Variants in IQCN observed in about 807,000 individuals in gnomAD.
IQCN encodes IQ motif containing N, also known as IQ domain-containing protein N.
A neutral mutation model predicts 64.4 loss-of-function variants in IQCN; 46 were observed. The ratio of observed to expected loss-of-function variants is 0.71; its 90% CI spans 0.56 to 0.91. The LOEUF (loss-of-function observed/expected upper bound fraction) is 0.91, where lower values mean the gene tolerates loss of function less well. IQCN is among the 40% of genes least tolerant of loss of function. The pLI is 0.00. For missense variants in IQCN, 1,753 were observed against 1,857.4 expected (o/e 0.94, Z 1.03); for synonymous variants, 733 against 775.6 (o/e 0.95, Z 0.91).
rs996216061 is a variant in IQCN at position 18,264,623 on chromosome 19, C to T, written c.2917G>A (p.Glu973Lys). ...TCCGTCAAAGCCTTGCTAAGCACCT[C>T]GGCCAATTTACCCTGCATGACCTTG... ...LTKVMQGKLAEVLSKALTEEE... is the reference protein window; with the variant it reads ...LTKVMQGKLAKVLSKALTEEE... Residue 973 changes from glutamate to lysine, a missense_variant, in exon 3 of 4, where the codon GAG becomes AAG. Coordinates refer to ENST00000392413, the MANE Select transcript of IQCN (RefSeq NM_001145304.2). This position sits in a 1 kb window ranked among gnomAD's most constrained non-coding sequence, Gnocchi z 4.3. 3.6e-5 allele frequency: 56 copies of T among 1,551,352 alleles called. No individual in the cohort carries two copies. Among genetic ancestry groups the T allele is most frequent in the Non-Finnish European group, 3.2e-5 (37 of 1,146,984 alleles).
intron 3 of IQCN, chr19:18,258,338 C>CCCA (rs199647290): frequency 0.018 from 12,334 of 697,950 alleles, 167 homozygotes; most frequent in Non-Finnish European, 0.025. Flanking sequence ...CTGCAGAGGG[C>CCCA]CTGTGGGTGG....
At position 18,264,626 on chromosome 19, in the gene IQCN, C is replaced by T; in HGVS notation, c.2914G>A (p.Ala972Thr). 2 of 1,551,446 alleles carry T rather than the reference C, an allele frequency of 1.3e-6. No homozygotes were observed. The highest frequency in any genetic ancestry group is 1.7e-6 in the Non-Finnish European group (2 of 1,146,984). ...GTCAAAGCCTTGCTAAGCACCTCGG[C>T]CAATTTACCCTGCATGACCTTGGTG... ...ELTKVMQGKL[A>T]EVLSKALTEE... Residue 972 changes from alanine to threonine, a missense_variant, in exon 3 of 4, where the codon GCC becomes ACC. Transcript: ENST00000392413. This position sits in a 1 kb window ranked among gnomAD's most constrained non-coding sequence, Gnocchi z 4.3.
At chr19:18,272,579 C>A (rs1232135624) in intron 1 of IQCN, among the ~76,000 whole-genome samples, 1 of 152,186 alleles carries the variant, frequency 6.6e-6, no homozygotes, top group South Asian at 2.1e-4. Flanking sequence ...GCCTCACCAG[C>A]GCCCTCTATT....
At position 18,258,499 on chromosome 19, in the gene IQCN, G is replaced by A. The variant is rs571754918; in HGVS notation, c.3178-393C>T. On this transcript the variant is annotated intron_variant, in intron 3 of 3. Coordinates refer to ENST00000392413, the MANE Select transcript of IQCN (RefSeq NM_001145304.2). ...TTTTTAGGGCCCATGGCGTCCCAGCGGCTGCTCGGAGCCATGTTTCCAGAC... is the reference window on the plus strand; with the variant it reads ...TTTTTAGGGCCCATGGCGTCCCAGCAGCTGCTCGGAGCCATGTTTCCAGAC... The A allele has an allele frequency of 5.2e-5, 24 of 465,438 alleles. No individual in the cohort carries two copies. In the East Asian group the frequency reaches 1.0e-3, roughly 19 times the overall value. 28.8% of individuals were successfully genotyped at this position (465,438 alleles called of 1,614,324 possible).
intron 3 of IQCN, chr19:18,260,044 G>A (rs1969391141): frequency 6.6e-6 from 1 of 152,488 alleles, no homozygotes; most frequent in Non-Finnish European, 1.5e-5. Flanking sequence ...GGCTCCTGGG[G>A]ATGGCTTACA....
chr19:18,269,450 T>C lies in IQCN; in HGVS notation c.13+16A>G, dbSNP rs781544749. ...TTGGACTAGCCAGACCCCTTGCCCA[T>C]AGACCATCTTCTTACCTTGAAGGGT... On this transcript the variant is annotated intron_variant, in intron 2 of 3. Transcript: ENST00000392413. The C allele has an allele frequency of 1.9e-6, 3 of 1,613,800 alleles. No homozygotes were observed. Among genetic ancestry groups the C allele is most frequent in the Non-Finnish European group, 2.5e-6 (3 of 1,179,790 alleles).
rs549433185 is a variant in IQCN, at chr19:18,258,400, G to C, written c.3178-294C>G. The C allele has an allele frequency of 1.5e-5, 10 of 650,342 alleles. No individual in the cohort carries two copies. The African/African-American group carries it at 1.8e-4, about 12-fold the overall frequency. 40.3% of individuals were successfully genotyped at this position (650,342 alleles called of 1,614,324 possible). ...TGGGATGGTTGTCTTTGCACATACT[G>C]TAAGGGCCTAACCCTGGCCACAGAA... On this transcript the variant is annotated intron_variant, in intron 3 of 3. Transcript: ENST00000392413.
Position 18,267,430 on chromosome 19 carries a change from G to C in IQCN, c.110C>G (p.Ala37Gly), listed in dbSNP as rs755665886. The C allele has an allele frequency of 1.2e-5, 18 of 1,561,730 alleles. No individual in the cohort carries two copies. In the South Asian group the frequency reaches 2.0e-4, roughly 17 times the overall value. ...VVTQWAVHPP[A>G]PAHPSLLDKM... is the part of the protein sequence containing the mutation. ...GTCCAGGAGACTGGGGTGAGCGGGG[G>C]CTGGAGGATGCACCGCCCACTGGGT... Residue 37 changes from alanine to glycine, a missense_variant, in exon 3 of 4, where the codon GCC becomes GGC. Physicochemically the swap from Ala to Gly is moderately conservative, Grantham distance 60 (BLOSUM62 0). Coordinates refer to ENST00000392413, the MANE Select transcript of IQCN (RefSeq NM_001145304.2).
chr19:18,272,011 G>C (rs1969743380), intron 1 of IQCN, among the ~76,000 whole-genome samples: 1 of 151,964 alleles, frequency 6.6e-6, no homozygotes, highest in Non-Finnish European at 1.5e-5. Flanking sequence ...TGTTTTTGGA[G>C]GGACGGGGTT....
At position 18,264,379 on chromosome 19, in the gene IQCN, C is replaced by G; in HGVS notation, c.3161G>C (p.Arg1054Thr). 6.7e-7 allele frequency: 1 copy of G among 1,494,520 alleles called. No individual in the cohort carries two copies. 92.6% of individuals were successfully genotyped at this position (1,494,520 alleles called of 1,614,324 possible). The change falls in exon 3 of 4, where the codon AGA becomes ACA. Residue 1054 changes from arginine (R) to threonine (T), a missense_variant. Transcript: ENST00000392413. This position sits in a 1 kb window ranked among gnomAD's most constrained non-coding sequence, Gnocchi z 4.3. Reference sequence around the variant, plus strand: ...ATCCCTGACCTTGCTGGTCTGTGGTCTCACGGGGCCCAGGGAGGGCCCCCA... The same window carrying G: ...ATCCCTGACCTTGCTGGTCTGTGGTGTCACGGGGCCCAGGGAGGGCCCCCA... ...AAWGPSLGPV[R>T]PQTSKGPADA...
rs1273142608 is a variant in IQCN at position 18,269,540 on chromosome 19, CA to C, written c.-63del. The C allele has an allele frequency of 7.6e-6, 12 of 1,575,476 alleles. No individual in the cohort carries two copies. Among genetic ancestry groups the C allele is most frequent in the Non-Finnish European group, 1.0e-5 (12 of 1,146,504 alleles). On this transcript the variant is annotated 5_prime_UTR_variant, in exon 2 of 4. Transcript: ENST00000392413. The stretch of plus-strand genomic sequence containing the variant: ...TCAGAAGCCAGCCTGCAAGAGGAGG[CA>C]GCCTTCAGCCTTTCATCCATGCAAT...
In IQCN at chr19:18,267,212, T is replaced by C; in HGVS notation, c.328A>G (p.Ile110Val). Reference protein sequence around the residue: ...DMMHARAATLIQANWRGYWLR... With the variant: ...DMMHARAATLVQANWRGYWLR... ...CAATAGCCCCTCCAGTTGGCTTGGA[T>C]GAGCGTGGCTGCACGGGCGTGCATC... Residue 110 changes from isoleucine (I) to valine (V), a missense_variant, in exon 3 of 4, where the codon ATC becomes GTC. Physicochemically the swap from Ile to Val is conservative, Grantham distance 29. Transcript: ENST00000392413. 2 of 1,614,262 alleles carry C rather than the reference T, an allele frequency of 1.2e-6. No homozygotes were observed. The highest frequency in any genetic ancestry group is 2.2e-5 in the South Asian group (2 of 91,090).
At position 18,267,424 on chromosome 19, in the gene IQCN, G is replaced by A; in HGVS notation, c.116C>T (p.Ala39Val). Residue 39 changes from alanine to valine, a missense_variant, in exon 3 of 4, where the codon GCT (alanine) becomes GTT (valine). Ala to Val is a moderately conservative substitution (Grantham distance 64). Coordinates refer to ENST00000392413, the MANE Select transcript of IQCN (RefSeq NM_001145304.2). The part of the protein sequence containing the change: ...TQWAVHPPAP[A>V]HPSLLDKMEK... ...CATTTTGTCCAGGAGACTGGGGTGAGCGGGGGCTGGAGGATGCACCGCCCA... is the reference window on the plus strand; with the variant it reads ...CATTTTGTCCAGGAGACTGGGGTGAACGGGGGCTGGAGGATGCACCGCCCA... 1 of 1,570,680 alleles carries A rather than the reference G, an allele frequency of 6.4e-7. No homozygotes were observed. The highest frequency in any genetic ancestry group is 8.6e-7 in the Non-Finnish European group (1 of 1,159,272).
At chr19:18,267,685 T>C (rs1027421210) in intron 2 of IQCN, 159 bp from the exon 3 acceptor site, 10 of 848,806 alleles carry the variant, frequency 1.2e-5, no homozygotes, top group Non-Finnish European at 1.5e-5. Context: ...CAAGTGGTCT[T>C]TGCCATCCTT....
At chr19:18,268,643 C>T (rs1273016955) in intron 2 of IQCN, among the ~76,000 whole-genome samples, 1 of 151,862 alleles carries the variant, frequency 6.6e-6, no homozygotes, top group Non-Finnish European at 1.5e-5. Context: ...GCCGGGCCAA[C>T]ATGGTGAAAC....
intron 1 of IQCN, among the ~76,000 whole-genome samples, chr19:18,273,485 C>T (rs570925991): frequency 7.2e-4 from 110 of 152,308 alleles, no homozygotes; most frequent in South Asian, 2.7e-3. Context: ...TACAGGCATG[C>T]GCCACCACAC....
In IQCN at chr19:18,270,051, T is replaced by TAAAAAAAAAAAA. The variant is rs60981546; in HGVS notation, c.-109-476_-109-465dup. The stretch of plus-strand genomic sequence containing the variant: ...GGGAAACTAAGCAAGAACTGTCTCT[T>TAAAAAAAAAAAA]AAAAAAAAAAAAAAAAAAAAAAAAA... On this transcript the variant is annotated intron_variant, in intron 1 of 3. Transcript: ENST00000392413. Among the ~76,000 whole-genome samples, 226 of 75,814 alleles carry TAAAAAAAAAAAA rather than the reference T, an allele frequency of 3.0e-3. 10 individuals are homozygous for TAAAAAAAAAAAA. The highest frequency in any genetic ancestry group is 0.014 in the African/African-American group (219 of 15,916). 49.7% of individuals were successfully genotyped at this position (75,814 alleles called of 152,430 possible).
intron 3 of IQCN, 119 bp from the exon 4 acceptor site, chr19:18,258,225 G>A (rs1203580547): frequency 1.8e-6 from 2 of 1,105,668 alleles, no homozygotes. Flanking sequence ...GGAACCACTT[G>A]GGGAAGACTC....
rs535880358 is a variant in IQCN at position 18,257,897 on chromosome 19, C to T, written c.3387G>A (p.Ala1129=). The T allele has an allele frequency of 1.3e-5, 21 of 1,612,708 alleles. No individual in the cohort carries two copies. Among genetic ancestry groups the T allele is most frequent in the African/African-American group, 1.1e-4 (8 of 75,052 alleles). The part of the protein sequence containing the change: ...TIQAGVRGYL[A]RRRIRLWHRG... ...GGTGCCACAGCCGGATCCTGCGACG[C>T]GCCAGGTAGCCACGGACGCCCGCCT... Residue 1129 remains alanine (A), a synonymous_variant, in exon 4 of 4, where the codon GCG becomes GCA. Coordinates refer to ENST00000392413, the MANE Select transcript of IQCN (RefSeq NM_001145304.2).
Sources: gnomAD v4.1 joint callset for allele counts (sites outside exome capture counted in the v4.1 genomes callset) on GRCh38, gnomAD v4.1.1 for gene constraint, Gnocchi (gnomAD v3.1) non-coding constraint, MANE v1.5 for transcripts, NCBI Gene and HGNC (gene_info 2026-07-23, HGNC 2026-07-21) for gene names.